ZGRF1: variants seen among roughly 807,000 people sequenced by gnomAD.
The protein encoded by ZGRF1 is zinc finger GRF-type containing 1.
In ZGRF1, 196 loss-of-function variants were observed where a neutral mutation model predicts 203.5. The ratio of observed to expected loss-of-function variants is 0.96; its 90% CI spans 0.86 to 1.08. The LOEUF (loss-of-function observed/expected upper bound fraction) is 1.08. ZGRF1 is among the 50% of genes least tolerant of loss of function. The pLI is 0.00. For missense variants in ZGRF1, 2,326 were observed against 2,416.3 expected, an observed-to-expected ratio of 0.96 and a Z score of 0.78; for synonymous variants, 809 against 841.3, an observed-to-expected ratio of 0.96 and a Z score of 0.66.
intron 22 of ZGRF1, among the ~76,000 whole-genome samples, chr4:112,553,368 G>A (rs190479582): frequency 5.3e-5 from 8 of 152,314 alleles, no homozygotes; most frequent in Admixed American, 3.9e-4. Context: ...GGAAGCTAGC[G>A]TCTGAGCCTC....
intron 9 of ZGRF1, 126 bp from the exon 10 acceptor site, chr4:112,603,823 G>A: frequency 4.9e-6 from 3 of 616,266 alleles, no homozygotes; most frequent in South Asian, 3.5e-5. Context: ...TAAATACCAG[G>A]AACTAATGCT....
chr4:112,612,707 G>T (rs2046729484), intron 6 of ZGRF1, 119 bp from the exon 7 acceptor site: 1 of 599,058 alleles, frequency 1.7e-6, no homozygotes, highest in East Asian at 3.0e-5. Flanking sequence ...AGACAATCTT[G>T]GTAATTGTTC....
intron 7 of ZGRF1, among the ~76,000 whole-genome samples, chr4:112,612,308 C>T (rs1349964187): frequency 6.6e-6 from 1 of 152,098 alleles, no homozygotes; most frequent in Non-Finnish European, 1.5e-5. Context: ...TACAAAGTTA[C>T]TAGGAAATAC....
At chr4:112,633,298 T>C in intron 1 of ZGRF1, 56 bp from the exon 2 acceptor site, 1 of 809,674 alleles carries the variant, frequency 1.2e-6, no homozygotes, top group Non-Finnish European at 2.0e-6. Context: ...ATATCAAATA[T>C]AATTTTTCTC....
intron 15 of ZGRF1, among the ~76,000 whole-genome samples, chr4:112,582,916 AT>A (rs1234864675): frequency 6.6e-6 from 1 of 152,150 alleles, no homozygotes; most frequent in Non-Finnish European, 1.5e-5. Flanking sequence ...TTGATTCCAT[AT>A]CTTGGCTATT....
At chr4:112,570,706 A>C (rs1744049036) in intron 16 of ZGRF1, among the ~76,000 whole-genome samples, 1 of 152,288 alleles carries the variant, frequency 6.6e-6, no homozygotes, top group African/African-American at 2.4e-5. Flanking sequence ...AATTCCTTAC[A>C]TTTTTAATAT....
At position 112,587,848 on chromosome 4, in the gene ZGRF1, G is replaced by C. The variant is rs757323782; in HGVS notation, c.3209C>G (p.Thr1070Ser). Residue 1070 changes from threonine to serine, a missense_variant, in exon 12 of 28, where the codon ACT becomes AGT. By Grantham distance (58) the Thr-to-Ser change is moderately conservative (BLOSUM62 1). Coordinates refer to ENST00000505019, the MANE Select transcript of ZGRF1 (RefSeq NM_018392.5). ...AGGTGGCCCATCAGTACGTGGCAAA[G>C]TAATAAGTGGAACCTGGGTTCTACT... ...LLSRTQVPLI[T>S]LPRTDGPPDL... is the part of the protein sequence containing the mutation. 1.3e-6 allele frequency: 2 copies of C among 1,551,178 alleles called. No homozygotes were observed. The highest frequency in any genetic ancestry group is 1.4e-5 in the African/African-American group (1 of 73,018).
intron 8 of ZGRF1, among the ~76,000 whole-genome samples, chr4:112,609,110 G>A (rs1444795500): frequency 3.3e-5 from 5 of 151,300 alleles, no homozygotes; most frequent in African/African-American, 9.7e-5. Context: ...CTGGAGTGCA[G>A]TGGCGTTATC....
intron 11 of ZGRF1, chr4:112,589,510 G>A: frequency 3.7e-6 from 2 of 545,844 alleles, no homozygotes; most frequent in Non-Finnish European, 6.5e-6. Context: ...GTTGGGAGGA[G>A]AAACAAGAAG....
intron 26 of ZGRF1, among the ~76,000 whole-genome samples, chr4:112,540,554 AT>A (rs1480285835): frequency 1.3e-5 from 2 of 152,190 alleles, no homozygotes; most frequent in Non-Finnish European, 2.9e-5. Context: ...AGCATACACC[AT>A]ATTTTCTTCC....
At chr4:112,559,322 C>T (rs2148884809) in intron 19 of ZGRF1, among the ~76,000 whole-genome samples, 1 of 152,248 alleles carries the variant, frequency 6.6e-6, no homozygotes, top group Non-Finnish European at 1.5e-5. Flanking sequence ...CCACAACCTC[C>T]AAAGTAGCTG....
At chr4:112,563,303 C>A (rs1394205700) in intron 16 of ZGRF1, 29 bp from the exon 17 acceptor site, 4 of 1,510,760 alleles carry the variant, frequency 2.6e-6, no homozygotes, top group African/African-American at 2.8e-5. Context: ...TTAAATATTA[C>A]ACAGACATAT....
At position 112,566,686 on chromosome 4, in the gene ZGRF1, C is replaced by G. The variant is rs188355641; in HGVS notation, c.4439-3412G>C. 5.9e-5 allele frequency among the ~76,000 whole-genome samples: 9 copies of G among 151,892 alleles called. No homozygotes were observed. The South Asian group carries it at 6.2e-4, about 11-fold the overall frequency. On this transcript the variant is annotated intron_variant, in intron 16 of 27. Coordinates refer to ENST00000505019, the MANE Select transcript of ZGRF1 (RefSeq NM_018392.5). ...TTGTTGGCTTCCTTTCTGTGGGGAACAGAGAGAGAAGTGGAGAAAACCATG... is the reference window on the plus strand; with the variant it reads ...TTGTTGGCTTCCTTTCTGTGGGGAAGAGAGAGAGAAGTGGAGAAAACCATG...
At position 112,558,233 on chromosome 4, in the gene ZGRF1, T is replaced by G. The variant is rs775759726; in HGVS notation, c.5037A>C (p.Glu1679Asp). The G allele has an allele frequency of 4.0e-5, 64 of 1,605,444 alleles. No homozygotes were observed. Among genetic ancestry groups the G allele is most frequent in the Admixed American group, 1.9e-4 (11 of 58,654 alleles). Residue 1679 changes from glutamate (E) to aspartate (D), a missense_variant, in exon 20 of 28, where the codon GAA becomes GAC. Glu to Asp is a conservative substitution (Grantham distance 45). Coordinates refer to ENST00000505019, the MANE Select transcript of ZGRF1 (RefSeq NM_018392.5). Reference protein sequence around the residue: ...LFFVQLFEKSEAPTIGNARPW... With the variant: ...LFFVQLFEKSDAPTIGNARPW... Reference sequence around the variant, plus strand: ...GCCTTGCATTTCCAATGGTGGGAGCTTCACTCTTTTCAAACAGCTGTACAA... The same window carrying G: ...GCCTTGCATTTCCAATGGTGGGAGCGTCACTCTTTTCAAACAGCTGTACAA...
intron 20 of ZGRF1, among the ~76,000 whole-genome samples, chr4:112,555,807 A>T (rs1740825757): frequency 6.6e-6 from 1 of 152,202 alleles, no homozygotes; most frequent in African/African-American, 2.4e-5. Context: ...TGAGGCACAG[A>T]TCCTAATTAG....
chr4:112,601,565 C>T (rs1231484279), intron 10 of ZGRF1, among the ~76,000 whole-genome samples: 1 of 147,144 alleles, frequency 6.8e-6, no homozygotes, highest in Non-Finnish European at 1.5e-5. Context: ...CAGAGCAAGA[C>T]CTTGTCTAAA....
At chr4:112,554,970 G>A (rs1481124162) in intron 20 of ZGRF1, among the ~76,000 whole-genome samples, 188 bp from the exon 21 acceptor site, 5 of 152,076 alleles carry the variant, frequency 3.3e-5, no homozygotes, top group Non-Finnish European at 7.4e-5. Flanking sequence ...GCATTTTCTA[G>A]AGAATTTTAA....
At chr4:112,554,832 T>C in intron 20 of ZGRF1, 50 bp from the exon 21 acceptor site, 1 of 969,192 alleles carries the variant, frequency 1.0e-6, no homozygotes, top group Non-Finnish European at 1.6e-6. Context: ...AAACAGAATA[T>C]AAAGTTTCAT....
At chr4:112,555,821 T>C (rs1740829030) in intron 20 of ZGRF1, among the ~76,000 whole-genome samples, 2 of 152,206 alleles carry the variant, frequency 1.3e-5, no homozygotes, top group South Asian at 4.1e-4. Context: ...TAATTAGAGA[T>C]TCACATTTCT....
Sources: gnomAD v4.1 joint callset for allele counts (sites outside exome capture counted in the v4.1 genomes callset) on GRCh38, gnomAD v4.1.1 for gene constraint, MANE v1.5 for transcripts, NCBI Gene and HGNC (gene_info 2026-07-23, HGNC 2026-07-21) for gene names.